Variants in ECEL1 observed in about 807,000 individuals in gnomAD.
ECEL1 encodes the protein endothelin converting enzyme like 1, also known as endothelin-converting enzyme-like 1.
Under a neutral mutation model 101.8 loss-of-function variants are expected in ECEL1, and 87 were observed. The observed-to-expected ratio is 0.85, with a 90% CI of 0.72 to 1.02. The LOEUF is 1.02. ECEL1 is among the 50% of genes least tolerant of loss of function. The pLI is 0.00. For missense variants in ECEL1, 1,032 were observed against 1,079.2 expected (o/e 0.96, Z 0.61); for synonymous variants, 487 against 468.7 (o/e 1.04, Z -0.50).
chr2:232,486,140 GCCCAC>G lies in ECEL1; in HGVS notation c.509_513del (p.Gly170AlafsTer93). ...ACCTTGCGCTGGGCCGCGCCGCCAGGCCCACCCCCGGGCCGCGCCAGCAGGCGCCG... is the reference window on the plus strand; with the variant it reads ...ACCTTGCGCTGGGCCGCGCCGCCAGGCCCCGGGCCGCGCCAGCAGGCGCCG... On this transcript the variant is annotated frameshift_variant, in exon 2 of 18. Transcript: ENST00000304546. LOFTEE classifies it high-confidence loss of function. 2.5e-5 allele frequency: 39 copies of G among 1,563,070 alleles called. No individual in the cohort carries two copies. The highest frequency in any genetic ancestry group is 3.4e-5 in the Non-Finnish European group (39 of 1,159,256).
At position 232,484,197 on chromosome 2, in the gene ECEL1, C is replaced by G. The variant is rs751317107; in HGVS notation, c.1211G>C (p.Arg404Pro). 1.2e-6 allele frequency: 2 copies of G among 1,612,620 alleles called. No individual in the cohort carries two copies. The highest frequency in any genetic ancestry group is 1.7e-6 in the Non-Finnish European group (2 of 1,179,782). ...GTGTTCACTCAGGACCACCACCACG[C>G]GCCACACCAGGTAGTTGTGCAGGAC... is the stretch of plus-strand genomic sequence containing the variant. ...HRVLHNYLVW[R>P]VVVVLSEHLS... The change falls in exon 7 of 18, where the codon CGC becomes CCC. Residue 404 changes from arginine (R) to proline (P), a missense_variant. Arg to Pro is a moderately radical substitution (Grantham distance 103, BLOSUM62 -2). Transcript: ENST00000304546.
intron 15 of ECEL1, 115 bp from the exon 16 acceptor site, chr2:232,480,928 T>A: frequency 5.2e-6 from 7 of 1,333,784 alleles, no homozygotes; most frequent in Non-Finnish European, 7.3e-6. Flanking sequence ...GGCCCGTGAA[T>A]CCTTCCTCTT....
intron 10 of ECEL1, 81 bp downstream of exon 10, chr2:232,482,770 C>T: frequency 6.4e-7 from 1 of 1,562,446 alleles, no homozygotes; most frequent in Admixed American, 1.7e-5. Context: ...ATCTGCATGG[C>T]TGTGAGACGA....
chr2:232,480,519 C>G (rs748761799), intron 16 of ECEL1, 44 bp from the exon 17 acceptor site: 4 of 1,609,512 alleles, frequency 2.5e-6, no homozygotes, highest in Admixed American at 1.7e-5. Context: ...GGAGATGAAG[C>G]CAGGCATCCG....
At chr2:232,487,566 G>C (rs905708534) in intron 1 of ECEL1, among the ~76,000 whole-genome samples, 153 bp downstream of exon 1, 2 of 151,948 alleles carry the variant, frequency 1.3e-5, no homozygotes, top group South Asian at 4.1e-4. Flanking sequence ...CGCGGAGCCC[G>C]AGAGCCGAGC....
intron 5 of ECEL1, 93 bp from the exon 6 acceptor site, chr2:232,484,689 G>C: frequency 6.2e-7 from 1 of 1,602,034 alleles, no homozygotes; most frequent in Non-Finnish European, 8.5e-7. Flanking sequence ...GGGGACATGA[G>C]AGTCCATGGC....
At position 232,480,765 on chromosome 2, in the gene ECEL1, G is replaced by A. The variant is rs142112011; in HGVS notation, c.2104C>T (p.Arg702Trp). The change falls in exon 16 of 18, where the codon CGG becomes TGG. Residue 702 changes from arginine to tryptophan, a missense_variant. Physicochemically the swap from Arg to Trp is moderately radical, Grantham distance 101 (BLOSUM62 -3). Transcript: ENST00000304546. Reference sequence around the variant, plus strand: ...AGCTGGTCATGTGTGTACTTGAGCCGGGGAAGTGGGTGCTCTGGGCCGTGC... The same window carrying A: ...AGCTGGTCATGTGTGTACTTGAGCCAGGGAAGTGGGTGCTCTGGGCCGTGC... The part of the protein sequence containing the change: ...REHGPEHPLP[R>W]LKYTHDQLFF... The A allele has an allele frequency of 1.3e-4, 212 of 1,613,980 alleles. No individual in the cohort carries two copies. Among genetic ancestry groups the A allele is most frequent in the Non-Finnish European group, 1.8e-4 (207 of 1,180,016 alleles).
chr2:232,483,593 C>A (rs192087169), intron 7 of ECEL1, 79 bp from the exon 8 acceptor site: 19 of 1,200,006 alleles, frequency 1.6e-5, no homozygotes, highest in Non-Finnish European at 2.2e-5. Flanking sequence ...GTACCCCTGC[C>A]TTTAAGCACC....
In ECEL1 at chr2:232,483,668, C is replaced by T. The variant is rs182437156; in HGVS notation, c.1408-154G>A. ...ATACTTTGGAGGTGAGGATCCAGGC[C>T]CTGCACCCCCGAGGGCTCACAAGAT... On this transcript the variant is annotated intron_variant, in intron 7 of 17. Coordinates refer to ENST00000304546, the MANE Select transcript of ECEL1 (RefSeq NM_004826.4). Among the ~76,000 whole-genome samples, 699 of 152,290 alleles carry T rather than the reference C, an allele frequency of 4.6e-3. 2 individuals are homozygous for T. Among genetic ancestry groups the T allele is most frequent in the Non-Finnish European group, 6.7e-3 (456 of 68,032 alleles).
At position 232,482,543 on chromosome 2, in the gene ECEL1, C is replaced by G. The variant is rs1690606956; in HGVS notation, c.1744+7G>C. On this transcript the variant is annotated splice_region_variant and intron_variant, in intron 11 of 17. Coordinates refer to ENST00000304546, the MANE Select transcript of ECEL1 (RefSeq NM_004826.4). ...GCCCCGCCCGGCGTAGGGACACATC[C>G]CCTTACCCATCTGGTTCTTGTTGGG... 6.2e-7 allele frequency: 1 copy of G among 1,613,864 alleles called. No homozygotes were observed. The highest frequency in any genetic ancestry group is 1.1e-5 in the South Asian group (1 of 91,090).
intron 1 of ECEL1, among the ~76,000 whole-genome samples, chr2:232,486,961 T>G (rs774846700): frequency 6.6e-6 from 1 of 152,026 alleles, no homozygotes; most frequent in Non-Finnish European, 1.5e-5. Flanking sequence ...TGCACACACT[T>G]GAGGGCCGCA....
chr2:232,486,700 G>A lies in ECEL1; in HGVS notation c.-47C>T. On this transcript the variant is annotated 5_prime_UTR_variant, in exon 2 of 18. Transcript: ENST00000304546. ...CAGACCTGGGCCACCTGGGCTACGG[G>A]ATGCGCGTGGCCGCCGGCCTCCTCG... 1 of 1,424,082 alleles carries A rather than the reference G, an allele frequency of 7.0e-7. No homozygotes were observed. Among genetic ancestry groups the A allele is most frequent in the Non-Finnish European group, 9.1e-7 (1 of 1,096,486 alleles). The allele number at this position is 1,424,082 out of a possible 1,614,324, so 88.2% of individuals were successfully genotyped here.
chr2:232,484,267 T>C, intron 6 of ECEL1, 44 bp from the exon 7 acceptor site: 3 of 1,590,866 alleles, frequency 1.9e-6, no homozygotes, highest in African/African-American at 1.3e-5. Context: ...CGGACATGCA[T>C]GTGGGCCACC....
chr2:232,480,587 A>G, intron 16 of ECEL1, 112 bp from the exon 17 acceptor site: 1 of 1,507,184 alleles, frequency 6.6e-7, no homozygotes, highest in African/African-American at 1.4e-5. Flanking sequence ...CCACAGGACC[A>G]TCACCTCTGA....
rs1575077095 is a variant in ECEL1 at position 232,483,897 on chromosome 2, G to A, written c.1407+104C>T. On this transcript the variant is annotated intron_variant, in intron 7 of 17. Coordinates refer to ENST00000304546, the MANE Select transcript of ECEL1 (RefSeq NM_004826.4). ...GTACTTAGCAGGGCCTGGTCCCCCT[G>A]CCTGCAGGGGACATGTGGGGCTCCC... 11 of 1,289,218 alleles carry A rather than the reference G, an allele frequency of 8.5e-6. No individual in the cohort carries two copies. The East Asian group carries it at 2.3e-4, about 27-fold the overall frequency. 79.9% of individuals were successfully genotyped at this position (1,289,218 alleles called of 1,614,324 possible).
chr2:232,481,978 C>A (rs189956471), intron 12 of ECEL1, 129 bp from the exon 13 acceptor site: 2 of 1,216,288 alleles, frequency 1.6e-6, no homozygotes. Flanking sequence ...GGCATCCGTG[C>A]GGTCCAGGGG....
In ECEL1 at chr2:232,486,528, C is replaced by G; in HGVS notation, c.126G>C (p.Ala42=). The G allele has an allele frequency of 7.4e-7, 1 of 1,344,800 alleles. No homozygotes were observed. 83.3% of individuals were successfully genotyped at this position (1,344,800 alleles called of 1,614,324 possible). ...SLPPGFPLGA[A]RSATGARSGL... ...CGGACCGGGCCCCGGTGGCGCTGCG[C>G]GCAGCGCCCAACGGGAAGCCCGGGG... The change falls in exon 2 of 18, where the codon GCG becomes GCC. Residue 42 remains alanine (A), a synonymous_variant. Transcript: ENST00000304546.
chr2:232,487,774 G>C lies in ECEL1; in HGVS notation c.-157C>G, dbSNP rs1227327463. 6.7e-6 allele frequency: 1 copy of C among 149,962 alleles called. No homozygotes were observed. Among genetic ancestry groups the C allele is most frequent in the African/African-American group, 2.4e-5 (1 of 41,166 alleles). The allele number at this position is 149,962 out of a possible 1,614,324, so 9.3% of individuals were successfully genotyped here. On this transcript the variant is annotated 5_prime_UTR_variant, in exon 1 of 18. Transcript: ENST00000304546. ...CCGAGCGGGTCGGGCCCGAGCGGGG[G>C]CCTGAGCCGCAGCGCAGCCGAGCGG...
intron 9 of ECEL1, 61 bp from the exon 10 acceptor site, chr2:232,483,015 C>T: frequency 1.9e-6 from 3 of 1,612,580 alleles, no homozygotes; most frequent in East Asian, 2.2e-5. Flanking sequence ...GCAGACTGGG[C>T]AACAACCTGG....
Sources: allele counts gnomAD v4.1 joint callset (sites outside exome capture counted in the v4.1 genomes callset), GRCh38; gene constraint gnomAD v4.1.1; transcripts MANE v1.5; gene names NCBI Gene and HGNC (gene_info 2026-07-23, HGNC 2026-07-21).